Variants in WASF1 observed in about 807,000 individuals in gnomAD.
WASF1 encodes actin-binding protein WASF1.
Under a neutral mutation model 50.5 loss-of-function variants are expected in WASF1, and 7 were observed. The ratio of observed to expected loss-of-function variants is 0.14; its 90% confidence interval spans 0.08 to 0.26. The LOEUF (loss-of-function observed/expected upper bound fraction) is 0.26. Ranked by LOEUF, WASF1 falls within the 10% of genes least tolerant of loss-of-function variation. The pLI is 1.00. For missense variants in WASF1, 470 were observed against 694.7 expected (o/e 0.68, Z 3.64); for synonymous variants, 205 against 244.0 (o/e 0.84, Z 1.49).
At chr6:110,148,339 CG>C (rs1232160847) in intron 3 of WASF1, among the ~76,000 whole-genome samples, 1 of 151,812 alleles carries the variant, frequency 6.6e-6, no homozygotes. Flanking sequence ...AACAATCCCC[CG>C]TGTATTTCCT....
At chr6:110,121,489 A>G (rs1774121333) in intron 4 of WASF1, among the ~76,000 whole-genome samples, 3 of 152,246 alleles carry the variant, frequency 2.0e-5, no homozygotes. Context: ...AGGAGATACC[A>G]TCTCATGCCA....
chr6:110,149,666 T>C (rs1349377014), intron 3 of WASF1, among the ~76,000 whole-genome samples: 1 of 152,140 alleles, frequency 6.6e-6, no homozygotes, highest in Non-Finnish European at 1.5e-5. Flanking sequence ...TGAGACTAGA[T>C]TTTGTCTTCA....
chr6:110,178,753 G>C lies in WASF1; in HGVS notation c.-271-11C>G, dbSNP rs550226025. 6.5e-6 allele frequency: 1 copy of C among 152,754 alleles called. No homozygotes were observed. Among genetic ancestry groups the C allele is most frequent in the Non-Finnish European group, 1.5e-5 (1 of 68,144 alleles). The allele number at this position is 152,754 out of a possible 1,614,324, so 9.5% of individuals were successfully genotyped here. The stretch of plus-strand genomic sequence containing the variant: ...AAGCTAGGGGGCATGCTGTAGCAAG[G>C]GGAAAAGAAAAATGGGAAAGGTGCA... On this transcript the variant is annotated splice_polypyrimidine_tract_variant and intron_variant, in intron 1 of 10. Transcript: ENST00000392589.
At chr6:110,171,515 A>C (rs557419202) in intron 2 of WASF1, among the ~76,000 whole-genome samples, 2 of 152,284 alleles carry the variant, frequency 1.3e-5, no homozygotes, top group African/African-American at 4.8e-5. Context: ...AACCTATTTT[A>C]AGTTGAAAAT....
intron 9 of WASF1, among the ~76,000 whole-genome samples, chr6:110,102,600 T>G (rs937185556): frequency 6.6e-6 from 1 of 152,198 alleles, no homozygotes; most frequent in Non-Finnish European, 1.5e-5. Context: ...AATACAATGC[T>G]ATATTTATAC....
intron 2 of WASF1, among the ~76,000 whole-genome samples, chr6:110,163,924 A>G (rs1219019300): frequency 1.3e-5 from 2 of 151,650 alleles, no homozygotes; most frequent in African/African-American, 2.4e-5. Context: ...ATAGTCACTG[A>G]TCTTTGACAA....
chr6:110,132,483 T>G (rs893981599), intron 3 of WASF1, among the ~76,000 whole-genome samples: 1 of 151,962 alleles, frequency 6.6e-6, no homozygotes, highest in Non-Finnish European at 1.5e-5. Context: ...CGGTTTTTTT[T>G]GTGGTTATTT....
chr6:110,139,694 T>C (rs534385961), intron 3 of WASF1, among the ~76,000 whole-genome samples: 1 of 152,230 alleles, frequency 6.6e-6, no homozygotes, highest in Non-Finnish European at 1.5e-5. Context: ...ACACCACTGC[T>C]TTAAGAATAG....
chr6:110,103,555 G>A lies in WASF1; in HGVS notation c.716C>T (p.Pro239Leu), dbSNP rs1211417997. The A allele has an allele frequency of 6.2e-7, 1 of 1,606,558 alleles. No homozygotes were observed. The highest frequency in any genetic ancestry group is 8.5e-7 in the Non-Finnish European group (1 of 1,175,334). Residue 239 changes from proline to leucine, a missense_variant and splice_region_variant, in exon 9 of 11, where the codon CCT becomes CTT. Pro to Leu is a moderately conservative substitution (Grantham distance 98). This residue lies in a region of WASF1 where 294 missense variants were observed against 343.5 expected (regional missense o/e 0.86). Coordinates refer to ENST00000392589, the MANE Select transcript of WASF1 (RefSeq NM_003931.3). The stretch of plus-strand genomic sequence containing the variant: ...ATCCATATGATCCACGTATGTCTGA[G>A]GTCTAAAAGAAATATATAGTATCAG... ...NGPASHFETRPQTYVDHMDGS... is the reference protein window; with the variant it reads ...NGPASHFETRLQTYVDHMDGS...
chr6:110,133,186 T>C (rs1026657588), intron 3 of WASF1, among the ~76,000 whole-genome samples: 1 of 152,208 alleles, frequency 6.6e-6, no homozygotes, highest in East Asian at 1.9e-4. Flanking sequence ...AATTATAAAT[T>C]TGTGCTGCTA....
At chr6:110,112,289 T>C (rs1201131363) in intron 5 of WASF1, among the ~76,000 whole-genome samples, 3 of 152,142 alleles carry the variant, frequency 2.0e-5, no homozygotes, top group Non-Finnish European at 2.9e-5. Context: ...AGAAATTCCA[T>C]TAAACAATTC....
At position 110,130,673 on chromosome 6, in the gene WASF1, A is replaced by G. The variant is rs975574031; in HGVS notation, c.-28-3044T>C. Among the ~76,000 whole-genome samples, 4 of 152,344 alleles carry G rather than the reference A, an allele frequency of 2.6e-5. No homozygotes were observed. The East Asian group carries it at 7.7e-4, about 29-fold the overall frequency. On this transcript the variant is annotated intron_variant, in intron 3 of 10. Transcript: ENST00000392589. ...TATTATGAAGAGGACTATACTGATC[A>G]TTCATGCACATGTGTCTTAGTGTAC...
intron 3 of WASF1, among the ~76,000 whole-genome samples, chr6:110,133,168 A>AT (rs1326856018): frequency 6.6e-6 from 1 of 151,904 alleles, no homozygotes; most frequent in East Asian, 2.0e-4. Context: ...CTGGTTCCAT[A>AT]TTTTTGCAAT....
chr6:110,126,379 T>A lies in WASF1; in HGVS notation c.133+1090A>T, dbSNP rs546371338. Among the ~76,000 whole-genome samples the A allele has an allele frequency of 2.7e-4, 41 of 152,336 alleles. 2 individuals carry two copies. In the South Asian group the frequency reaches 8.5e-3, roughly 32 times the overall value. On this transcript the variant is annotated intron_variant, in intron 4 of 10. Transcript: ENST00000392589. ...AAATTCAAATAAAATAGCCTTTTAT[T>A]TATTCTTACTATTTCACAGGCAATG...
intron 2 of WASF1, among the ~76,000 whole-genome samples, chr6:110,172,729 A>T (rs374998393): frequency 6.6e-6 from 1 of 152,162 alleles, no homozygotes; most frequent in African/African-American, 2.4e-5. Context: ...GGAGCTAAAT[A>T]ATTTGTATAC....
chr6:110,100,498 G>A lies in WASF1; in HGVS notation c.*24C>T. The A allele has an allele frequency of 6.3e-7, 1 of 1,588,172 alleles. No homozygotes were observed. Among genetic ancestry groups the A allele is most frequent in the East Asian group, 2.3e-5 (1 of 44,064 alleles). The stretch of plus-strand genomic sequence containing the variant: ...ACAAAGGACATTTGCATTCAGTTTT[G>A]TAATATTTATCAATGCATTTTTCTT... On this transcript the variant is annotated 3_prime_UTR_variant, in exon 11 of 11. Coordinates refer to ENST00000392589, the MANE Select transcript of WASF1 (RefSeq NM_003931.3).
intron 3 of WASF1, among the ~76,000 whole-genome samples, chr6:110,140,803 C>T (rs1168264693): frequency 2.6e-5 from 4 of 152,070 alleles, no homozygotes; most frequent in African/African-American, 9.7e-5. Flanking sequence ...CCTACAGGAT[C>T]AGATGAAATG....
chr6:110,149,484 T>TAA (rs71729607), intron 3 of WASF1, among the ~76,000 whole-genome samples: 17 of 103,260 alleles, frequency 1.6e-4, no homozygotes, highest in African/African-American at 3.3e-4. Context: ...GACTCTGTCT[T>TAA]AAAAAAAAAA....
intron 3 of WASF1, among the ~76,000 whole-genome samples, chr6:110,144,443 G>T (rs1018106206): frequency 1.3e-5 from 2 of 152,236 alleles, no homozygotes; most frequent in Non-Finnish European, 2.9e-5. Context: ...GGTTTCTTTT[G>T]CTGTGCAGAA....
Sources: gnomAD v4.1 joint callset for allele counts (sites outside exome capture counted in the v4.1 genomes callset) on GRCh38, gnomAD v4.1.1 for gene constraint, gnomAD v4.1.1 regional missense constraint, MANE v1.5 for transcripts, NCBI Gene and HGNC (gene_info 2026-07-23, HGNC 2026-07-21) for gene names.